Variants in RSU1 observed in about 807,000 individuals in gnomAD.
RSU1 encodes the protein Ras suppressor protein 1, also known as rsu-1.
Under a neutral mutation model 31.1 loss-of-function variants are expected in RSU1, and 26 were observed. The observed-to-expected ratio is 0.84, with a 90% confidence interval of 0.61 to 1.16. The LOEUF is 1.16. Among genes scored for constraint, RSU1 ranks in the 50% most tolerant of loss-of-function variants. The probability of loss-of-function intolerance (pLI) is 0.00; values close to 1 mark genes in which losing one functional copy is unlikely to be tolerated. For synonymous variants in RSU1, 164 were observed against 136.3 expected, an observed-to-expected ratio of 1.20 and a Z score of -1.41; for missense variants, 320 against 339.1, an observed-to-expected ratio of 0.94 and a Z score of 0.44.
intron 3 of RSU1, among the ~76,000 whole-genome samples, chr10:16,773,273 C>A (rs1227719027): frequency 2.6e-5 from 4 of 151,852 alleles, no homozygotes. Flanking sequence ...GACTGCTTCT[C>A]TTCCTACCAG....
At chr10:16,717,768 T>C (rs1257058895) in intron 7 of RSU1, among the ~76,000 whole-genome samples, 1 of 152,100 alleles carries the variant, frequency 6.6e-6, no homozygotes, top group East Asian at 1.9e-4. Flanking sequence ...ATTAACTATA[T>C]GACTCAAGGG....
At position 16,813,937 on chromosome 10, in the gene RSU1, G is replaced by A. The variant is rs1450679194; in HGVS notation, c.109+3036C>T. On this transcript the variant is annotated intron_variant, in intron 2 of 8. Transcript: ENST00000345264. ...ATACAACTCTCCCAGGAAGAAAGAC[G>A]GGCATCTCATATGCTTAGTAGTACA... Among the ~76,000 whole-genome samples the A allele has an allele frequency of 7.9e-5, 12 of 152,224 alleles. No homozygotes were observed. The East Asian group carries it at 1.5e-3, about 20-fold the overall frequency.
intron 8 of RSU1, among the ~76,000 whole-genome samples, chr10:16,690,004 A>T (rs1010847342): frequency 1.3e-5 from 2 of 152,240 alleles, no homozygotes; most frequent in African/African-American, 4.8e-5. Flanking sequence ...ACTTGTTGAC[A>T]AGAGTTAACT....
At chr10:16,763,509 T>C (rs184260192) in intron 4 of RSU1, among the ~76,000 whole-genome samples, 1 of 152,252 alleles carries the variant, frequency 6.6e-6, no homozygotes, top group African/African-American at 2.4e-5. Flanking sequence ...GGGATAGTGC[T>C]AAACCATTCA....
chr10:16,762,226 T>C (rs575305066), intron 4 of RSU1, among the ~76,000 whole-genome samples: 32 of 152,144 alleles, frequency 2.1e-4, no homozygotes, highest in African/African-American at 7.7e-4. Flanking sequence ...ATTATGATGA[T>C]AACAATAGCT....
intron 2 of RSU1, among the ~76,000 whole-genome samples, chr10:16,802,592 A>G (rs1025314803): frequency 6.6e-6 from 1 of 152,178 alleles, no homozygotes; most frequent in African/African-American, 2.4e-5. Context: ...CATTACAAAA[A>G]GGAGAAACTA....
intron 8 of RSU1, among the ~76,000 whole-genome samples, chr10:16,594,275 A>G (rs1236543198): frequency 1.3e-5 from 2 of 152,182 alleles, no homozygotes; most frequent in Non-Finnish European, 1.5e-5. Context: ...CACAGCCCGC[A>G]GTTGCTGTGA....
At position 16,661,821 on chromosome 10, in the gene RSU1, C is replaced by T. The variant is rs144103150; in HGVS notation, c.731+33202G>A. Among the ~76,000 whole-genome samples, 156 of 152,344 alleles carry T rather than the reference C, an allele frequency of 1.0e-3. 3 individuals are homozygous for T. The East Asian group carries it at 0.024, about 24-fold the overall frequency. ...CCTTACATGGGCATTGCTATTGAGA[C>T]AGTCCTGGTCTCCTTTAGCACATTT... On this transcript the variant is annotated intron_variant, in intron 8 of 8. Coordinates refer to ENST00000345264, the MANE Select transcript of RSU1 (RefSeq NM_012425.4).
At chr10:16,752,376 C>G (rs1183230787) in intron 7 of RSU1, 163 bp downstream of exon 7, 1 of 576,592 alleles carries the variant, frequency 1.7e-6, no homozygotes, top group Admixed American at 3.0e-5. Flanking sequence ...AAACCTGTAA[C>G]AGCTAACTCT....
intron 8 of RSU1, among the ~76,000 whole-genome samples, chr10:16,666,863 C>T (rs958379691): frequency 6.6e-6 from 1 of 152,044 alleles, no homozygotes; most frequent in African/African-American, 2.4e-5. Context: ...GTGACGCATG[C>T]CTGTAATCCC....
intron 3 of RSU1, among the ~76,000 whole-genome samples, chr10:16,780,516 T>C (rs1279213668): frequency 1.3e-5 from 2 of 152,218 alleles, no homozygotes; most frequent in Non-Finnish European, 2.9e-5. Flanking sequence ...GTGCTGGGAT[T>C]ACAGGCATCG....
intron 7 of RSU1, among the ~76,000 whole-genome samples, chr10:16,696,417 TAAAAC>T (rs755234176): frequency 3.3e-5 from 5 of 151,264 alleles, no homozygotes; most frequent in Middle Eastern, 3.4e-3. Flanking sequence ...TATTGCTTGT[TAAAAC>T]AAAATAATAG....
At chr10:16,817,188 G>T in intron 1 of RSU1, 104 bp from the exon 2 acceptor site, 1 of 831,746 alleles carries the variant, frequency 1.2e-6, no homozygotes. Context: ...GGGTTGGAGC[G>T]GGTGGGCGTC....
chr10:16,665,128 G>A (rs1019417513), intron 8 of RSU1, among the ~76,000 whole-genome samples: 5 of 152,058 alleles, frequency 3.3e-5, no homozygotes, highest in African/African-American at 7.2e-5. Context: ...ATTTTCAGTA[G>A]AGATGGGGTT....
intron 4 of RSU1, among the ~76,000 whole-genome samples, chr10:16,755,303 T>C (rs1402219118): frequency 6.6e-6 from 1 of 151,980 alleles, no homozygotes; most frequent in East Asian, 1.9e-4. Context: ...TTGTATTTTT[T>C]GCAGAGATGG....
At chr10:16,620,537 T>C (rs577610143) in intron 8 of RSU1, among the ~76,000 whole-genome samples, 1 of 147,294 alleles carries the variant, frequency 6.8e-6, no homozygotes, top group African/African-American at 2.6e-5. Context: ...GGGGAGTTAC[T>C]GGCATATGTA....
At chr10:16,723,961 A>G (rs766972594) in intron 7 of RSU1, among the ~76,000 whole-genome samples, 3 of 152,068 alleles carry the variant, frequency 2.0e-5, no homozygotes, top group South Asian at 4.2e-4. Flanking sequence ...TTTTTTTGAG[A>G]TGGGGTTTCA....
intron 3 of RSU1, among the ~76,000 whole-genome samples, chr10:16,765,972 A>G (rs147076225): frequency 5.6e-4 from 85 of 152,368 alleles, no homozygotes; most frequent in African/African-American, 1.9e-3. Context: ...CGACCAATTG[A>G]TAACTCCCAG....
chr10:16,746,159 T>A (rs993694741), intron 7 of RSU1, among the ~76,000 whole-genome samples: 1 of 152,204 alleles, frequency 6.6e-6, no homozygotes, highest in Non-Finnish European at 1.5e-5. Flanking sequence ...TGAAGGGGAT[T>A]AGTATTTGTT....
Sources: allele counts gnomAD v4.1 joint callset (sites outside exome capture counted in the v4.1 genomes callset), GRCh38; gene constraint gnomAD v4.1.1; transcripts MANE v1.5; gene names NCBI Gene and HGNC (gene_info 2026-07-23, HGNC 2026-07-21).